ZFPM2: variants seen among roughly 807,000 people sequenced by gnomAD.
ZFPM2 encodes zinc finger protein ZFPM2.
A neutral mutation model predicts 98.6 loss-of-function variants in ZFPM2; 20 were observed. The ratio of observed to expected loss-of-function variants is 0.20; its 90% CI spans 0.14 to 0.29. The LOEUF is 0.29. ZFPM2 is among the 10% of genes least tolerant of loss of function. The pLI is 1.00. For missense variants in ZFPM2, 1,310 were observed against 1,388.6 expected (o/e 0.94, Z 0.90); for synonymous variants, 518 against 502.7 (o/e 1.03, Z -0.41).
intron 4 of ZFPM2, among the ~76,000 whole-genome samples, chr8:105,615,050 G>A (rs1373695904): frequency 1.3e-5 from 2 of 151,992 alleles, no homozygotes; most frequent in Admixed American, 6.6e-5. Flanking sequence ...AAAGGAAATT[G>A]TTCCATGTGT....
rs34036735 is a variant in ZFPM2 at position 105,795,351 on chromosome 8, TCA to T, written c.740-3352_740-3351del. Reference sequence around the variant, plus strand: ...CCATTTCAAGTCAGATTCCTGAATGTCACACACACACACACACACACAAAGCT... The same window carrying T: ...CCATTTCAAGTCAGATTCCTGAATGTCACACACACACACACACACAAAGCT... On this transcript the variant is annotated intron_variant, in intron 6 of 7. Transcript: ENST00000407775. 6.7e-3 allele frequency among the ~76,000 whole-genome samples: 967 copies of T among 144,988 alleles called. 10 individuals carry two copies. Among genetic ancestry groups the T allele is most frequent in the African/African-American group, 0.019 (754 of 39,658 alleles).
intron 1 of ZFPM2, among the ~76,000 whole-genome samples, chr8:105,412,619 G>T (rs916061713): frequency 1.3e-5 from 2 of 151,530 alleles, no homozygotes; most frequent in Non-Finnish European, 3.0e-5. Context: ...TAGATCCCCT[G>T]ATGCCACTAT....
At chr8:105,772,931 C>G (rs573992741) in intron 5 of ZFPM2, among the ~76,000 whole-genome samples, 1 of 152,036 alleles carries the variant, frequency 6.6e-6, no homozygotes, top group African/African-American at 2.4e-5. Context: ...GACATGGGCA[C>G]GTGAGTTGAA....
rs541822543 is a variant in ZFPM2, at chr8:105,379,990, G to A, written c.41-39154G>A. On this transcript the variant is annotated intron_variant, in intron 1 of 7. Coordinates refer to ENST00000407775, the MANE Select transcript of ZFPM2 (RefSeq NM_012082.4). ...AGTCCTAAGTCCTGAGAGTGCCTGCGCATATAGGAAATACTCATGACAAAA... is the reference window on the plus strand; with the variant it reads ...AGTCCTAAGTCCTGAGAGTGCCTGCACATATAGGAAATACTCATGACAAAA... Among the ~76,000 whole-genome samples the A allele has an allele frequency of 4.6e-4, 70 of 152,122 alleles. No individual in the cohort carries two copies. The Middle Eastern group carries it at 0.01, about 22-fold the overall frequency.
chr8:105,524,073 T>C (rs1016098721), intron 3 of ZFPM2, among the ~76,000 whole-genome samples: 2 of 152,190 alleles, frequency 1.3e-5, no homozygotes, highest in Admixed American at 1.3e-4. Flanking sequence ...ACTCATAGCC[T>C]CTAAACACAT....
rs1812681820 is a variant in ZFPM2 at position 105,460,373 on chromosome 8, G to C, written c.301+15992G>C. ...TACCCGAAGCTGACAAATGAGGGAA[G>C]AACACATAGGAAACCCAGAGAAGGA... On this transcript the variant is annotated intron_variant, in intron 3 of 7. Coordinates refer to ENST00000407775, the MANE Select transcript of ZFPM2 (RefSeq NM_012082.4). 2.0e-5 allele frequency among the ~76,000 whole-genome samples: 3 copies of C among 152,272 alleles called. No homozygotes were observed. The South Asian group carries it at 6.2e-4, about 32-fold the overall frequency.
chr8:105,339,798 G>T (rs1343834135), intron 1 of ZFPM2, among the ~76,000 whole-genome samples: 1 of 151,768 alleles, frequency 6.6e-6, no homozygotes, highest in Non-Finnish European at 1.5e-5. Flanking sequence ...TCTCTCTCTC[G>T]CTCTGCTTTA....
intron 5 of ZFPM2, among the ~76,000 whole-genome samples, chr8:105,673,882 G>C (rs1817642272): frequency 6.6e-6 from 1 of 152,172 alleles, no homozygotes; most frequent in African/African-American, 2.4e-5. Flanking sequence ...AATTATGCCT[G>C]TTCTTCAGTT....
At chr8:105,568,928 C>T (rs1586468895) in intron 4 of ZFPM2, among the ~76,000 whole-genome samples, 2 of 151,930 alleles carry the variant, frequency 1.3e-5, no homozygotes, top group East Asian at 3.9e-4. Context: ...CATTTTTTTT[C>T]CACATCCGTA....
At chr8:105,350,832 A>G (rs902601971) in intron 1 of ZFPM2, among the ~76,000 whole-genome samples, 1 of 152,104 alleles carries the variant, frequency 6.6e-6, no homozygotes, top group African/African-American at 2.4e-5. Flanking sequence ...CTCCTTCAGT[A>G]TCTGTGGAGA....
chr8:105,609,234 G>C (rs1816257137), intron 4 of ZFPM2, among the ~76,000 whole-genome samples: 1 of 152,120 alleles, frequency 6.6e-6, no homozygotes, highest in Non-Finnish European at 1.5e-5. Flanking sequence ...GTTCAAACTG[G>C]TAGAGAGGAG....
intron 5 of ZFPM2, among the ~76,000 whole-genome samples, chr8:105,767,005 C>A (rs1030239490): frequency 2.6e-5 from 4 of 151,844 alleles, no homozygotes; most frequent in African/African-American, 9.7e-5. Context: ...TAAGCTTATT[C>A]TGCCATCAGT....
At chr8:105,599,093 C>G (rs184943349) in intron 4 of ZFPM2, among the ~76,000 whole-genome samples, 1 of 152,156 alleles carries the variant, frequency 6.6e-6, no homozygotes, top group East Asian at 1.9e-4. Context: ...ATTTAAATTA[C>G]TCATTGGGGG....
At chr8:105,584,317 G>A (rs1306175431) in intron 4 of ZFPM2, among the ~76,000 whole-genome samples, 1 of 151,352 alleles carries the variant, frequency 6.6e-6, no homozygotes, top group African/African-American at 2.4e-5. Context: ...TTACACATTA[G>A]GCCTTTATAT....
intron 4 of ZFPM2, among the ~76,000 whole-genome samples, chr8:105,564,649 T>A (rs778676370): frequency 6.6e-6 from 1 of 151,972 alleles, no homozygotes; most frequent in African/African-American, 2.4e-5. Context: ...GATTCGAGAG[T>A]CTGCTTTTTT....
chr8:105,607,432 CT>C (rs1816218758), intron 4 of ZFPM2, among the ~76,000 whole-genome samples: 1 of 152,050 alleles, frequency 6.6e-6, no homozygotes, highest in East Asian at 1.9e-4. Context: ...TGAACACCCC[CT>C]CTCACTTTCA....
intron 3 of ZFPM2, among the ~76,000 whole-genome samples, chr8:105,537,500 AC>A (rs920112082): frequency 6.6e-6 from 1 of 152,050 alleles, no homozygotes; most frequent in African/African-American, 2.4e-5. Context: ...ACATAGCAAA[AC>A]CCTATCTCTA....
At chr8:105,559,352 A>G (rs1359690891) in intron 3 of ZFPM2, among the ~76,000 whole-genome samples, 2 of 152,124 alleles carry the variant, frequency 1.3e-5, no homozygotes, top group African/African-American at 2.4e-5. Context: ...TTCTGGGCTC[A>G]TTTTCCTCAC....
rs58892885 is a variant in ZFPM2 at position 105,536,460 on chromosome 8, T to C, written c.302-24903T>C. Among the ~76,000 whole-genome samples the C allele has an allele frequency of 8.3e-3, 1,257 of 152,190 alleles. 12 individuals are homozygous for C. The highest frequency in any genetic ancestry group is 0.029 in the African/African-American group (1,196 of 41,532). The stretch of plus-strand genomic sequence containing the variant: ...GGAATCTTATCTTTTTTTTATGCTG[T>C]ACTCCTCAAGTTGAAGGTCAGAGGC... On this transcript the variant is annotated intron_variant, in intron 3 of 7. Coordinates refer to ENST00000407775, the MANE Select transcript of ZFPM2 (RefSeq NM_012082.4).
Sources: gnomAD v4.1 joint callset for allele counts (sites outside exome capture counted in the v4.1 genomes callset) on GRCh38, gnomAD v4.1.1 for gene constraint, MANE v1.5 for transcripts, NCBI Gene and HGNC (gene_info 2026-07-23, HGNC 2026-07-21) for gene names.